The following RALGPS2 variants were observed in gnomAD, a reference collection of about 807,000 sequenced individuals.
The protein encoded by RALGPS2 is ras-specific guanine nucleotide-releasing factor RalGPS2.
In RALGPS2, 43 loss-of-function variants were observed where a neutral mutation model predicts 86.8. The observed-to-expected ratio is 0.50, with a 90% CI of 0.39 to 0.64. The LOEUF is 0.64. Among genes scored for constraint, RALGPS2 ranks in the 30% least tolerant of loss-of-function variants. The probability of loss-of-function intolerance (pLI) is 0.00; values close to 1 mark genes in which losing one functional copy is unlikely to be tolerated. For synonymous variants in RALGPS2, 243 were observed against 231.3 expected (o/e 1.05, Z -0.46); for missense variants, 536 against 694.6 (o/e 0.77, Z 2.57).
intron 8 of RALGPS2, chr1:178,853,730 T>C: frequency 1.9e-6 from 3 of 1,608,414 alleles, no homozygotes; most frequent in South Asian, 1.1e-5. Flanking sequence ...TTTAATCATA[T>C]AAATCCCACT....
At position 178,885,934 on chromosome 1, in the gene RALGPS2, T is replaced by C. The variant is rs746470419; in HGVS notation, c.1041-35T>C. 6 of 1,508,554 alleles carry C rather than the reference T, an allele frequency of 4.0e-6. No homozygotes were observed. In the African/African-American group the frequency reaches 8.5e-5, roughly 21 times the overall value. The allele number at this position is 1,508,554 out of a possible 1,614,324, so 93.4% of individuals were successfully genotyped here. The stretch of plus-strand genomic sequence containing the variant: ...AGAGCAGTTTTTAAATTAGTAACAA[T>C]AATAAAAGATATGAACTTTTTTTTC... On this transcript the variant is annotated intron_variant, in intron 12 of 19. Coordinates refer to ENST00000367635, the MANE Select transcript of RALGPS2 (RefSeq NM_152663.5).
At chr1:178,889,471 A>G (rs1263252979) in intron 13 of RALGPS2, among the ~76,000 whole-genome samples, 171 bp from the exon 14 acceptor site, 1 of 152,050 alleles carries the variant, frequency 6.6e-6, no homozygotes, top group Non-Finnish European at 1.5e-5. Flanking sequence ...TATATTGCAA[A>G]ATAAACCTAA....
At chr1:178,800,028 C>T (rs1003788645) in intron 4 of RALGPS2, among the ~76,000 whole-genome samples, 3 of 152,082 alleles carry the variant, frequency 2.0e-5, no homozygotes, top group Non-Finnish European at 2.9e-5. Flanking sequence ...TTTCAAGATA[C>T]GGATCTTGGA....
At chr1:178,876,313 A>T (rs780568775) in intron 8 of RALGPS2, among the ~76,000 whole-genome samples, 2 of 151,752 alleles carry the variant, frequency 1.3e-5, no homozygotes, top group African/African-American at 2.4e-5. Context: ...AATATAAGTA[A>T]TTTTTTTTTA....
intron 13 of RALGPS2, among the ~76,000 whole-genome samples, chr1:178,887,553 C>A (rs1659543035): frequency 6.6e-6 from 1 of 152,122 alleles, no homozygotes. Context: ...CCAGATTGTT[C>A]AAGGACTAAG....
In RALGPS2 at chr1:178,892,865, C is replaced by T. The variant is rs1436520979; in HGVS notation, c.1325+558C>T. 4.6e-5 allele frequency among the ~76,000 whole-genome samples: 7 copies of T among 151,922 alleles called. No individual in the cohort carries two copies. The South Asian group carries it at 8.3e-4, about 18-fold the overall frequency. On this transcript the variant is annotated intron_variant, in intron 15 of 19. Coordinates refer to ENST00000367635, the MANE Select transcript of RALGPS2 (RefSeq NM_152663.5). ...ATAAGGGTGGTGTATTGATTGGGAACGTGGGGTTTAGTGGTGATGGGTAAT... is the reference window on the plus strand; with the variant it reads ...ATAAGGGTGGTGTATTGATTGGGAATGTGGGGTTTAGTGGTGATGGGTAAT...
intron 8 of RALGPS2, among the ~76,000 whole-genome samples, chr1:178,840,662 G>A (rs1329658161): frequency 6.6e-6 from 1 of 152,076 alleles, no homozygotes; most frequent in Non-Finnish European, 1.5e-5. Context: ...CAGAACTGAA[G>A]GAGATAGAGA....
intron 2 of RALGPS2, among the ~76,000 whole-genome samples, chr1:178,782,715 G>C (rs533176241): frequency 6.6e-6 from 1 of 151,558 alleles, no homozygotes; most frequent in South Asian, 2.1e-4. Flanking sequence ...ATAATACTAA[G>C]ATTTCAGCTG....
intron 8 of RALGPS2, among the ~76,000 whole-genome samples, chr1:178,857,135 G>C (rs1657641555): frequency 6.6e-6 from 1 of 152,146 alleles, no homozygotes; most frequent in African/African-American, 2.4e-5. Flanking sequence ...GGAGTGAGAT[G>C]GAAGGAAAAG....
chr1:178,801,449 A>G (rs751000656), intron 4 of RALGPS2, among the ~76,000 whole-genome samples: 9 of 152,068 alleles, frequency 5.9e-5, no homozygotes, highest in Non-Finnish European at 1.3e-4. Flanking sequence ...AACCCATTTG[A>G]TCCTGTTTCA....
chr1:178,865,575 T>C, intron 8 of RALGPS2: 2 of 1,614,080 alleles, frequency 1.2e-6, no homozygotes, highest in South Asian at 1.1e-5. Context: ...TGCCCCTTGG[T>C]GTTGACACAG....
chr1:178,862,414 A>G (rs962984812), intron 8 of RALGPS2, among the ~76,000 whole-genome samples: 1 of 151,988 alleles, frequency 6.6e-6, no homozygotes. Flanking sequence ...AGCTTATAAT[A>G]TAGTTGGAAA....
At chr1:178,770,769 G>T (rs920741480) in intron 1 of RALGPS2, among the ~76,000 whole-genome samples, 2 of 144,096 alleles carry the variant, frequency 1.4e-5, no homozygotes, top group Admixed American at 6.9e-5. Context: ...GAGGCACCGC[G>T]CCTGGCCACC....
intron 4 of RALGPS2, among the ~76,000 whole-genome samples, chr1:178,800,203 A>G (rs547607293): frequency 1.4e-3 from 214 of 152,334 alleles, no homozygotes; most frequent in Non-Finnish European, 2.4e-3. Context: ...AGTTCTAGTG[A>G]TTCAAGACTG....
At chr1:178,862,588 A>AT (rs111564790) in intron 8 of RALGPS2, among the ~76,000 whole-genome samples, 2 of 131,298 alleles carry the variant, frequency 1.5e-5, no homozygotes, top group African/African-American at 6.4e-5. Context: ...GAGGAGTTGC[A>AT]TTTTTTTTAT....
At chr1:178,782,007 C>T (rs1364284923) in intron 2 of RALGPS2, among the ~76,000 whole-genome samples, 2 of 152,142 alleles carry the variant, frequency 1.3e-5, no homozygotes, top group Non-Finnish European at 2.9e-5. Flanking sequence ...GAATTCATCA[C>T]TCCTGTCCTC....
chr1:178,816,081 A>G (rs1233116343), intron 6 of RALGPS2, among the ~76,000 whole-genome samples: 1 of 152,218 alleles, frequency 6.6e-6, no homozygotes, highest in Non-Finnish European at 1.5e-5. Flanking sequence ...GATTATACCT[A>G]GGAATGGTGG....
chr1:178,783,099 GA>G (rs1653472448), intron 2 of RALGPS2, among the ~76,000 whole-genome samples: 1 of 152,090 alleles, frequency 6.6e-6, no homozygotes, highest in African/African-American at 2.4e-5. Flanking sequence ...AGTCTCTAAT[GA>G]AAAAAAGCGT....
intron 1 of RALGPS2, among the ~76,000 whole-genome samples, chr1:178,754,294 A>G (rs887541297): frequency 6.6e-6 from 1 of 151,822 alleles, no homozygotes; most frequent in Non-Finnish European, 1.5e-5. Context: ...AGTATATATT[A>G]CAAGGAATTG....
Sources: gnomAD v4.1 joint callset for allele counts (sites outside exome capture counted in the v4.1 genomes callset) on GRCh38, gnomAD v4.1.1 for gene constraint, MANE v1.5 for transcripts, NCBI Gene and HGNC (gene_info 2026-07-23, HGNC 2026-07-21) for gene names.